NKAIN3: variants seen among roughly 807,000 people sequenced by gnomAD.
NKAIN3 encodes sodium/potassium transporting ATPase interacting 3.
Under a neutral mutation model 30.2 loss-of-function variants are expected in NKAIN3, and 25 were observed. That is an observed-to-expected ratio of 0.83 (90% CI 0.60 to 1.16). The LOEUF (loss-of-function observed/expected upper bound fraction) is 1.16, where lower values mean the gene tolerates loss of function less well. NKAIN3 is among the 50% of genes most tolerant of loss of function. The pLI is 0.00. For synonymous variants in NKAIN3, 91 were observed against 89.6 expected, an observed-to-expected ratio of 1.02 and a Z score of -0.09; for missense variants, 225 against 254.1, an observed-to-expected ratio of 0.89 and a Z score of 0.78.
rs1232821637 is a variant in NKAIN3 at position 62,983,328 on chromosome 8, T to C, written c.*17921T>C. 3 of 151,938 alleles carry C rather than the reference T, an allele frequency of 2.0e-5. No individual in the cohort carries two copies. Among genetic ancestry groups the C allele is most frequent in the Non-Finnish European group, 4.4e-5 (3 of 67,998 alleles). 9.4% of individuals were successfully genotyped at this position (151,938 alleles called of 1,614,324 possible). On this transcript the variant is annotated 3_prime_UTR_variant, in exon 7 of 7. Transcript: ENST00000623646. ...CTCAAGGCCCTAAGAAAATCCCCAA[T>C]AGGGCTCTGCACAAGCCGGGCTCTG...
intron 2 of NKAIN3, among the ~76,000 whole-genome samples, chr8:62,588,626 A>G (rs778057281): frequency 2.0e-5 from 3 of 151,812 alleles, no homozygotes; most frequent in Non-Finnish European, 4.4e-5. Context: ...TCTAAATTTT[A>G]TAATTCTATT....
chr8:62,991,676 A>G (rs1402329103), intron 5 of NKAIN3, among the ~76,000 whole-genome samples: 2 of 152,264 alleles, frequency 1.3e-5, no homozygotes, highest in East Asian at 1.9e-4. Context: ...AAATGGTTAC[A>G]TTAAAGAGCT....
intron 1 of NKAIN3, among the ~76,000 whole-genome samples, chr8:62,381,006 T>C (rs1311940404): frequency 6.6e-6 from 1 of 152,216 alleles, no homozygotes; most frequent in Non-Finnish European, 1.5e-5. Flanking sequence ...AGAAAACCCA[T>C]TGTGATGTAC....
chr8:62,576,118 T>C (rs1198036775), intron 1 of NKAIN3, among the ~76,000 whole-genome samples: 3 of 151,946 alleles, frequency 2.0e-5, no homozygotes, highest in Admixed American at 6.6e-5. Context: ...ACAAATGGGA[T>C]CACATCGAGT....
At chr8:62,695,892 A>T (rs1001472361) in intron 3 of NKAIN3, among the ~76,000 whole-genome samples, 2 of 152,166 alleles carry the variant, frequency 1.3e-5, no homozygotes, top group African/African-American at 2.4e-5. Flanking sequence ...CAATAGGAAA[A>T]TTTTTTAAAT....
rs899545946 is a variant in NKAIN3, at chr8:62,714,007, A to T, written c.274-32925A>T. Among the ~76,000 whole-genome samples, 12 of 152,290 alleles carry T rather than the reference A, an allele frequency of 7.9e-5. No individual in the cohort carries two copies. In the South Asian group the frequency reaches 1.0e-3, roughly 13 times the overall value. On this transcript the variant is annotated intron_variant, in intron 3 of 6. Coordinates refer to ENST00000623646, the MANE Select transcript of NKAIN3 (RefSeq NM_001304533.3). ...TTTCCTTAAGGATGTAACATTAGAG[A>T]TGTAACATAATTTTTGTATTGGATG...
chr8:62,695,951 A>AT (rs922177252), intron 3 of NKAIN3, among the ~76,000 whole-genome samples: 3 of 152,154 alleles, frequency 2.0e-5, no homozygotes, highest in Non-Finnish European at 4.4e-5. Context: ...AAATGAAGGA[A>AT]TTTTTTTAAA....
At chr8:62,516,949 G>C (rs1262161252) in intron 1 of NKAIN3, among the ~76,000 whole-genome samples, 1 of 151,940 alleles carries the variant, frequency 6.6e-6, no homozygotes, top group Non-Finnish European at 1.5e-5. Flanking sequence ...TTTAATAATA[G>C]CTACCACTTT....
intron 1 of NKAIN3, among the ~76,000 whole-genome samples, chr8:62,329,687 T>G (rs978413158): frequency 2.0e-5 from 3 of 152,160 alleles, no homozygotes; most frequent in African/African-American, 7.2e-5. Context: ...TTTTTATGGC[T>G]GCATGATATT....
intron 1 of NKAIN3, among the ~76,000 whole-genome samples, chr8:62,438,637 C>T (rs898916745): frequency 3.3e-5 from 5 of 152,178 alleles, no homozygotes; most frequent in African/African-American, 1.2e-4. Context: ...TCTCAGTTCA[C>T]TGCAACCTAC....
intron 2 of NKAIN3, among the ~76,000 whole-genome samples, chr8:62,582,438 G>A (rs956860868): frequency 2.0e-5 from 3 of 152,162 alleles, no homozygotes; most frequent in Non-Finnish European, 4.4e-5. Context: ...ATACGAAGGA[G>A]CACACTAGCC....
At chr8:62,928,905 G>A (rs1822530298) in intron 5 of NKAIN3, among the ~76,000 whole-genome samples, 1 of 152,136 alleles carries the variant, frequency 6.6e-6, no homozygotes, top group Admixed American at 6.5e-5. Flanking sequence ...TCGCAGACAG[G>A]GAGACCCCGA....
intron 1 of NKAIN3, among the ~76,000 whole-genome samples, chr8:62,282,191 C>T (rs907545382): frequency 1.3e-5 from 2 of 152,056 alleles, no homozygotes; most frequent in African/African-American, 2.4e-5. Flanking sequence ...AAAACCCACT[C>T]GGGAAATTGG....
intron 5 of NKAIN3, among the ~76,000 whole-genome samples, chr8:62,935,004 A>C (rs1822739522): frequency 6.6e-6 from 1 of 152,142 alleles, no homozygotes; most frequent in African/African-American, 2.4e-5. Flanking sequence ...TTCTGCCTCC[A>C]CGGAGTTTTC....
intron 4 of NKAIN3, among the ~76,000 whole-genome samples, chr8:62,749,848 A>G (rs1816219549): frequency 1.3e-5 from 2 of 151,314 alleles, no homozygotes. Flanking sequence ...ACGTCCAGCT[A>G]ATTTTTTGTA....
At chr8:62,332,544 G>A (rs1585690101) in intron 1 of NKAIN3, among the ~76,000 whole-genome samples, 1 of 152,146 alleles carries the variant, frequency 6.6e-6, no homozygotes, top group East Asian at 1.9e-4. Flanking sequence ...TATAGTGGTT[G>A]AGTGACATGG....
intron 1 of NKAIN3, among the ~76,000 whole-genome samples, chr8:62,253,802 A>C (rs151095779): frequency 6.6e-6 from 1 of 152,200 alleles, no homozygotes; most frequent in African/African-American, 2.4e-5. Flanking sequence ...ACTAAGCTCT[A>C]TGAAAGGTGC....
At chr8:62,870,281 AAT>A (rs1820582709) in intron 4 of NKAIN3, among the ~76,000 whole-genome samples, 1 of 34,990 alleles carries the variant, frequency 2.9e-5, no homozygotes, top group Non-Finnish European at 6.0e-5. Flanking sequence ...GATATATATA[AAT>A]ATCTATAGAT....
intron 4 of NKAIN3, among the ~76,000 whole-genome samples, chr8:62,812,779 T>G (rs1256002853): frequency 6.6e-6 from 1 of 151,962 alleles, no homozygotes. Context: ...GCTATTTTCC[T>G]CCCTGAATGA....
Sources: gnomAD v4.1 joint callset for allele counts (sites outside exome capture counted in the v4.1 genomes callset) on GRCh38, gnomAD v4.1.1 for gene constraint, MANE v1.5 for transcripts, NCBI Gene and HGNC (gene_info 2026-07-23, HGNC 2026-07-21) for gene names.